PDE3B: variants seen among roughly 807,000 people sequenced by gnomAD.
PDE3B encodes cGMP-inhibited 3',5'-cyclic phosphodiesterase 3B.
PDE3B carries 66 observed loss-of-function variants against 116.8 expected under a neutral mutation model. The ratio of observed to expected loss-of-function variants is 0.56; its 90% CI spans 0.46 to 0.69. PDE3B has a LOEUF of 0.69. PDE3B is among the 30% of genes least tolerant of loss of function. PDE3B has a pLI of 0.00. For missense variants in PDE3B, 1,384 were observed against 1,368.1 expected (o/e 1.01, Z -0.18); for synonymous variants, 595 against 533.6 (o/e 1.12, Z -1.59).
chr11:14,796,938 C>T (rs961901576), intron 4 of PDE3B, among the ~76,000 whole-genome samples: 1 of 152,148 alleles, frequency 6.6e-6, no homozygotes, highest in African/African-American at 2.4e-5. Context: ...AGTCTTTGCC[C>T]ATGCCTGTGT....
At chr11:14,795,786 T>C (rs981666269) in intron 4 of PDE3B, among the ~76,000 whole-genome samples, 11 of 152,158 alleles carry the variant, frequency 7.2e-5, no homozygotes, top group African/African-American at 2.7e-4. Flanking sequence ...AGAGTGTGTT[T>C]GTATGCTGTG....
At chr11:14,818,039 CCAT>C (rs1465860656) in intron 5 of PDE3B, 141 bp from the exon 6 acceptor site, 1 of 610,720 alleles carries the variant, frequency 1.6e-6, no homozygotes, top group Non-Finnish European at 2.8e-6. Context: ...TTGTGAGGCC[CCAT>C]GCAGGAATTT....
At chr11:14,776,356 G>A (rs1331872163) in intron 2 of PDE3B, 1 of 152,272 alleles carries the variant, frequency 6.6e-6, no homozygotes, top group African/African-American at 2.4e-5. Context: ...TGCCTGGCAA[G>A]GGGGATGTCC....
chr11:14,666,231 T>C (rs1268990062), intron 1 of PDE3B, among the ~76,000 whole-genome samples: 1 of 146,438 alleles, frequency 6.8e-6, no homozygotes, highest in East Asian at 2.1e-4. Flanking sequence ...GCTAGCCATA[T>C]GTAGAAAGCT....
intron 5 of PDE3B, among the ~76,000 whole-genome samples, chr11:14,808,600 T>C (rs1304068628): frequency 2.0e-5 from 3 of 152,170 alleles, no homozygotes; most frequent in Non-Finnish European, 2.9e-5. Context: ...AAAAGTAAAA[T>C]TGTATTTGCA....
intron 2 of PDE3B, among the ~76,000 whole-genome samples, chr11:14,780,946 A>C (rs755787522): frequency 1.3e-5 from 2 of 152,202 alleles, no homozygotes; most frequent in Non-Finnish European, 2.9e-5. Context: ...AAAAGAGAAG[A>C]ATCAAATAGA....
chr11:14,794,929 A>G (rs1275346217), intron 4 of PDE3B, among the ~76,000 whole-genome samples: 1 of 152,224 alleles, frequency 6.6e-6, no homozygotes, highest in Non-Finnish European at 1.5e-5. Context: ...GCCTGAGTAC[A>G]GGAGCTTCTG....
chr11:14,716,381 A>G (rs1200221884), intron 1 of PDE3B, among the ~76,000 whole-genome samples: 1 of 151,816 alleles, frequency 6.6e-6, no homozygotes, highest in East Asian at 1.9e-4. Context: ...TTAGGTAAAC[A>G]AAGCAGCCAG....
chr11:14,832,641 T>A (rs1451676), intron 9 of PDE3B, 81 bp from the exon 10 acceptor site: 5 of 573,590 alleles, frequency 8.7e-6, no homozygotes, highest in Non-Finnish European at 1.6e-5. Flanking sequence ...CATTCCAGAA[T>A]ACAAATCACA....
intron 1 of PDE3B, among the ~76,000 whole-genome samples, chr11:14,699,807 T>A (rs1855312700): frequency 6.6e-6 from 1 of 151,834 alleles, no homozygotes; most frequent in South Asian, 2.1e-4. Context: ...TAGTGAAACC[T>A]ACAAAAGAAT....
intron 1 of PDE3B, among the ~76,000 whole-genome samples, chr11:14,762,588 A>G (rs191444369): frequency 6.6e-6 from 1 of 152,258 alleles, no homozygotes; most frequent in East Asian, 1.9e-4. Context: ...GTGTTGAACA[A>G]AGAAGTGACA....
chr11:14,797,926 TTCTC>T (rs1321644493), intron 4 of PDE3B, among the ~76,000 whole-genome samples: 1 of 152,206 alleles, frequency 6.6e-6, no homozygotes, highest in African/African-American at 2.4e-5. Flanking sequence ...GCTTATTTCT[TTCTC>T]TTGCCCGATT....
intron 1 of PDE3B, among the ~76,000 whole-genome samples, chr11:14,745,368 T>A (rs559386799): frequency 6.6e-6 from 1 of 152,314 alleles, no homozygotes; most frequent in African/African-American, 2.4e-5. Flanking sequence ...TGAGTCTTGT[T>A]TGTGATCTAA....
chr11:14,700,801 A>G (rs914481905), intron 1 of PDE3B: 3 of 151,798 alleles, frequency 2.0e-5, no homozygotes, highest in Non-Finnish European at 4.4e-5. Flanking sequence ...TTTTATGGAA[A>G]TCTATCAGAG....
intron 1 of PDE3B, among the ~76,000 whole-genome samples, chr11:14,650,228 G>T (rs1396437682): frequency 2.7e-5 from 4 of 148,576 alleles, no homozygotes; most frequent in African/African-American, 5.0e-5. Flanking sequence ...TTGAGACAGG[G>T]TCTCACTCTG....
intron 5 of PDE3B, among the ~76,000 whole-genome samples, chr11:14,804,458 AT>A (rs926671887): frequency 8.9e-4 from 136 of 152,078 alleles, no homozygotes; most frequent in Non-Finnish European, 1.8e-3. Flanking sequence ...TATGATAGGA[AT>A]TTTTTTTAAT....
intron 1 of PDE3B, among the ~76,000 whole-genome samples, chr11:14,763,991 A>G (rs1857428697): frequency 6.6e-6 from 1 of 152,132 alleles, no homozygotes; most frequent in Admixed American, 6.6e-5. Context: ...AAATAAAAAC[A>G]CTTTAATGAA....
chr11:14,767,393 G>A (rs970207947), intron 1 of PDE3B, among the ~76,000 whole-genome samples: 1 of 151,374 alleles, frequency 6.6e-6, no homozygotes, highest in African/African-American at 2.4e-5. Context: ...ATTATCACAT[G>A]CACAGATTTA....
chr11:14,878,057 G>T, the PDE3B span: 1 of 1,557,270 alleles, frequency 6.4e-7, no homozygotes, highest in South Asian at 1.2e-5. Context: ...ACATTGATTT[G>T]ATTAAACCAA....
Sources: allele counts gnomAD v4.1 joint callset (sites outside exome capture counted in the v4.1 genomes callset), GRCh38; gene constraint gnomAD v4.1.1; transcripts MANE v1.5; gene names NCBI Gene and HGNC (gene_info 2026-07-23, HGNC 2026-07-21).